Variants in DLG2 observed in about 807,000 individuals in gnomAD.
DLG2 encodes the protein discs large MAGUK scaffold protein 2.
DLG2 carries 45 observed loss-of-function variants against 132.5 expected under a neutral mutation model. The ratio of observed to expected loss-of-function variants is 0.34; its 90% CI spans 0.27 to 0.44. DLG2 has a LOEUF of 0.44. Among genes scored for constraint, DLG2 ranks in the 20% least tolerant of loss-of-function variants. The pLI is 1.00. For missense variants in DLG2, 1,045 were observed against 1,196.9 expected (o/e 0.87, Z 1.87); for synonymous variants, 424 against 419.6 (o/e 1.01, Z -0.13).
intron 21 of DLG2, among the ~76,000 whole-genome samples, chr11:83,516,507 G>A (rs1214331695): frequency 6.6e-6 from 1 of 152,166 alleles, no homozygotes; most frequent in Non-Finnish European, 1.5e-5. Context: ...TTTAATTGGA[G>A]CATTTAGCCC....
At chr11:84,667,472 T>TTTTTTG (rs2099700856) in intron 6 of DLG2, among the ~76,000 whole-genome samples, 1 of 134,574 alleles carries the variant, frequency 7.4e-6, no homozygotes, top group Non-Finnish European at 1.5e-5. Flanking sequence ...ATTCAAGTTT[T>TTTTTTG]TTTTTGTTTT....
At chr11:85,206,000 A>G (rs1199829555) in intron 4 of DLG2, among the ~76,000 whole-genome samples, 1 of 152,146 alleles carries the variant, frequency 6.6e-6, no homozygotes, top group Non-Finnish European at 1.5e-5. Flanking sequence ...TGGAATTGTA[A>G]TCCCCAGTGT....
At chr11:84,282,463 T>G (rs546852853) in intron 7 of DLG2, among the ~76,000 whole-genome samples, 1 of 152,270 alleles carries the variant, frequency 6.6e-6, no homozygotes, top group South Asian at 2.1e-4. Flanking sequence ...ATGCTTAGTA[T>G]CTTGAATTGA....
chr11:85,039,314 C>A (rs1233433585), intron 6 of DLG2, among the ~76,000 whole-genome samples: 1 of 151,896 alleles, frequency 6.6e-6, no homozygotes, highest in East Asian at 1.9e-4. Flanking sequence ...TCAAAATTCA[C>A]CCACGATATC....
At chr11:85,069,025 A>G (rs1370198837) in intron 6 of DLG2, among the ~76,000 whole-genome samples, 1 of 152,110 alleles carries the variant, frequency 6.6e-6, no homozygotes, top group Non-Finnish European at 1.5e-5. Context: ...GATCTCTGAC[A>G]AACCTGACAA....
At chr11:85,425,092 T>C (rs1230339048) in intron 3 of DLG2, among the ~76,000 whole-genome samples, 3 of 151,724 alleles carry the variant, frequency 2.0e-5, no homozygotes, top group Admixed American at 6.6e-5. Flanking sequence ...CCAGAAGAAA[T>C]ACTATATGTG....
At chr11:84,462,795 T>A (rs1024081143) in intron 7 of DLG2, among the ~76,000 whole-genome samples, 1 of 151,010 alleles carries the variant, frequency 6.6e-6, no homozygotes, top group Non-Finnish European at 1.5e-5. Context: ...TGAGCAAAAC[T>A]ATTAGTGGCC....
chr11:83,526,102 A>G (rs1194889246), intron 21 of DLG2, among the ~76,000 whole-genome samples: 1 of 152,164 alleles, frequency 6.6e-6, no homozygotes, highest in African/African-American at 2.4e-5. Context: ...CTATCAACCT[A>G]TCCCTGTAGC....
intron 15 of DLG2, among the ~76,000 whole-genome samples, chr11:83,925,563 A>G (rs1027735619): frequency 1.3e-5 from 2 of 152,146 alleles, no homozygotes; most frequent in African/African-American, 4.8e-5. Flanking sequence ...TGAATCCCTA[A>G]CATTAAGGAT....
At chr11:84,246,184 C>T (rs2097300102) in intron 8 of DLG2, among the ~76,000 whole-genome samples, 1 of 152,190 alleles carries the variant, frequency 6.6e-6, no homozygotes, top group Admixed American at 6.5e-5. Context: ...TACTGTCAAC[C>T]ATTGTCTGAA....
intron 15 of DLG2, among the ~76,000 whole-genome samples, chr11:83,898,087 TTGAC>T (rs1381522950): frequency 2.0e-5 from 3 of 152,256 alleles, no homozygotes; most frequent in East Asian, 3.9e-4. Flanking sequence ...CTTTGGGGAA[TTGAC>T]TGACTGCCCT....
intron 10 of DLG2, among the ~76,000 whole-genome samples, chr11:84,092,657 C>T (rs7939753): frequency 0.023 from 3,440 of 152,230 alleles, 122 homozygotes; most frequent in African/African-American, 0.078. Flanking sequence ...TTAGTCTGCA[C>T]TGTCACTTTA....
intron 8 of DLG2, among the ~76,000 whole-genome samples, chr11:84,211,365 C>T (rs1469353146): frequency 6.6e-6 from 1 of 152,108 alleles, no homozygotes; most frequent in Non-Finnish European, 1.5e-5. Flanking sequence ...AGATTGAGAC[C>T]AGTGCCATAT....
intron 7 of DLG2, among the ~76,000 whole-genome samples, chr11:84,466,480 A>G (rs2099094744): frequency 6.6e-6 from 1 of 151,260 alleles, no homozygotes; most frequent in Non-Finnish European, 1.5e-5. Context: ...AATGAGCAGA[A>G]GACACAAACG....
intron 12 of DLG2, among the ~76,000 whole-genome samples, chr11:83,974,408 T>G (rs71465573): frequency 0.043 from 6,465 of 152,110 alleles, 196 homozygotes; most frequent in Non-Finnish European, 0.067. Flanking sequence ...AAAAATAAGA[T>G]ATGCTCACAC....
chr11:85,158,926 C>T (rs2077811034), intron 4 of DLG2, among the ~76,000 whole-genome samples: 1 of 152,100 alleles, frequency 6.6e-6, no homozygotes. Flanking sequence ...GAATCATGGC[C>T]CCTCAATCAA....
At chr11:85,270,166 C>T (rs2077440009) in intron 4 of DLG2, among the ~76,000 whole-genome samples, 1 of 152,098 alleles carries the variant, frequency 6.6e-6, no homozygotes, top group Non-Finnish European at 1.5e-5. Context: ...CCCATAATTC[C>T]CACATGTTGT....
chr11:85,612,034 G>C (rs543663579), intron 2 of DLG2, among the ~76,000 whole-genome samples: 1 of 152,188 alleles, frequency 6.6e-6, no homozygotes, highest in South Asian at 2.1e-4. Context: ...GAAGGAAAGA[G>C]AGGAAGATAC....
chr11:84,519,151 T>G (rs190897998), intron 7 of DLG2, among the ~76,000 whole-genome samples: 4 of 152,218 alleles, frequency 2.6e-5, no homozygotes, highest in African/African-American at 7.2e-5. Context: ...GTCAATACCT[T>G]AACGGTACAG....
Sources: gnomAD v4.1 joint callset for allele counts (sites outside exome capture counted in the v4.1 genomes callset) on GRCh38, gnomAD v4.1.1 for gene constraint, MANE v1.5 for transcripts, NCBI Gene and HGNC (gene_info 2026-07-23, HGNC 2026-07-21) for gene names.